The following VTI1A variants were observed in gnomAD, a reference collection of about 807,000 sequenced individuals.
The protein encoded by VTI1A is vesicle transport through interaction with t-SNAREs 1A.
VTI1A carries 22 observed loss-of-function variants against 34.9 expected under a neutral mutation model. The observed-to-expected ratio is 0.63, with a 90% CI of 0.45 to 0.90. The LOEUF is 0.90. Among genes scored for constraint, VTI1A ranks in the 40% least tolerant of loss-of-function variants. The probability of loss-of-function intolerance (pLI) is 0.00; values close to 1 mark genes in which losing one functional copy is unlikely to be tolerated. For synonymous variants in VTI1A, 87 were observed against 97.3 expected (o/e 0.89, Z 0.62); for missense variants, 268 against 275.6 (o/e 0.97, Z 0.20).
intron 1 of VTI1A, among the ~76,000 whole-genome samples, chr10:112,454,551 A>G (rs1357747289): frequency 1.3e-5 from 2 of 152,156 alleles, no homozygotes; most frequent in African/African-American, 4.8e-5. Flanking sequence ...ACAGTGAGCT[A>G]TGATCATGCC....
intron 7 of VTI1A, among the ~76,000 whole-genome samples, chr10:112,689,050 G>A (rs1258286918): frequency 3.9e-5 from 6 of 152,110 alleles, no homozygotes; most frequent in African/African-American, 1.4e-4. Flanking sequence ...TGACAACTGG[G>A]TACTGAGAAT....
At chr10:112,724,587 C>T (rs1849937598) in intron 7 of VTI1A, among the ~76,000 whole-genome samples, 4 of 152,152 alleles carry the variant, frequency 2.6e-5, no homozygotes, top group South Asian at 4.2e-4. Context: ...TTCCCATGCA[C>T]CTAGTAACCC....
chr10:112,752,590 G>A, intron 7 of VTI1A: 1 of 985,182 alleles, frequency 1.0e-6, no homozygotes, highest in Non-Finnish European at 1.2e-6. Flanking sequence ...TTAATAAAAT[G>A]TATTTTCTTT....
intron 3 of VTI1A, among the ~76,000 whole-genome samples, chr10:112,501,211 G>A (rs1298961350): frequency 1.3e-5 from 2 of 152,124 alleles, no homozygotes; most frequent in Non-Finnish European, 2.9e-5. Context: ...CCCTATATCT[G>A]TAGTCTTATT....
intron 7 of VTI1A, among the ~76,000 whole-genome samples, chr10:112,756,872 C>A (rs1009345738): frequency 6.6e-6 from 1 of 151,900 alleles, no homozygotes; most frequent in Admixed American, 6.6e-5. Flanking sequence ...CATGGCAAAA[C>A]CCTGTCTCTA....
At chr10:112,783,399 G>A (rs900823833) in intron 7 of VTI1A, among the ~76,000 whole-genome samples, 4 of 63,424 alleles carry the variant, frequency 6.3e-5, no homozygotes, top group Non-Finnish European at 5.5e-5. Context: ...CCGCGTGCAC[G>A]TGCACACACA....
chr10:112,712,164 T>C (rs1849440313), intron 7 of VTI1A, among the ~76,000 whole-genome samples: 1 of 152,182 alleles, frequency 6.6e-6, no homozygotes, highest in African/African-American at 2.4e-5. Context: ...ATATCCTGCC[T>C]GGATATCTTC....
In VTI1A at chr10:112,676,266, C is replaced by T. The variant is rs185530686; in HGVS notation, c.560+7268C>T. Among the ~76,000 whole-genome samples the T allele has an allele frequency of 3.8e-3, 576 of 152,164 alleles. 7 individuals carry two copies. Among genetic ancestry groups the T allele is most frequent in the African/African-American group, 0.012 (481 of 41,516 alleles). ...TTCCTGTCATGGCGCCACCATTCCC[C>T]CTTCCTTCTGGGACCCTCACTCAGC... On this transcript the variant is annotated intron_variant, in intron 7 of 7. Coordinates refer to ENST00000393077, the MANE Select transcript of VTI1A (RefSeq NM_145206.4).
At chr10:112,850,610 C>T in the VTI1A span, among the ~76,000 whole-genome samples, 4 of 152,152 alleles carry the variant, frequency 2.6e-5, no homozygotes, top group African/African-American at 9.7e-5. Context: ...CCTTCTGTTC[C>T]TAGGTACCTC....
intron 7 of VTI1A, among the ~76,000 whole-genome samples, chr10:112,800,424 T>A (rs1359463632): frequency 6.6e-6 from 1 of 152,236 alleles, no homozygotes; most frequent in Non-Finnish European, 1.5e-5. Flanking sequence ...GCTGCCTGCA[T>A]GTGGGGGTAC....
the VTI1A span, among the ~76,000 whole-genome samples, chr10:112,842,050 C>CTTTTTTT: frequency 2.5e-4 from 23 of 93,132 alleles, 1 homozygote; most frequent in African/African-American, 4.3e-4. Context: ...TTTTTTTTTT[C>CTTTTTTT]CTTTTTTTTT....
In VTI1A at chr10:112,648,542, AT is replaced by A. The variant is rs201051579; in HGVS notation, c.428-19674del. On this transcript the variant is annotated intron_variant, in intron 5 of 7. Transcript: ENST00000393077. ...AACCAACAATGAAGTTCATGAGAAT[AT>A]TATACATAGTTCAAAAAGAGGTTCA... Among the ~76,000 whole-genome samples the A allele has an allele frequency of 5.6e-3, 846 of 152,330 alleles. 6 individuals carry two copies. The highest frequency in any genetic ancestry group is 0.019 in the African/African-American group (797 of 41,572).
chr10:112,581,645 A>G (rs759282074), intron 5 of VTI1A, among the ~76,000 whole-genome samples: 1 of 152,218 alleles, frequency 6.6e-6, no homozygotes, highest in African/African-American at 2.4e-5. Context: ...TGATGCAGAT[A>G]TAGACACTGG....
intron 1 of VTI1A, among the ~76,000 whole-genome samples, chr10:112,458,062 A>G (rs1444250140): frequency 6.6e-6 from 1 of 152,172 alleles, no homozygotes; most frequent in Non-Finnish European, 1.5e-5. Flanking sequence ...CAGAGTCTGT[A>G]CCCTTGCTTT....
intron 5 of VTI1A, among the ~76,000 whole-genome samples, chr10:112,624,636 A>G (rs1025031102): frequency 6.6e-6 from 1 of 152,316 alleles, no homozygotes; most frequent in Admixed American, 6.5e-5. Context: ...CACGTAGGGT[A>G]CTTAAAATGG....
chr10:112,822,386 C>G (rs1025903924), downstream of VTI1A, among the ~76,000 whole-genome samples: 1 of 152,212 alleles, frequency 6.6e-6, no homozygotes, highest in Non-Finnish European at 1.5e-5. Context: ...CAGCCATGCC[C>G]TGGCTGAGAA....
rs965823084 is a variant in VTI1A at position 112,816,022 on chromosome 10, C to G, written c.*639C>G. ...ACCCAAAGATATTTTTTTTGCTGAG[C>G]CTGCCCAGTATTCACTGTTCACAAC... On this transcript the variant is annotated 3_prime_UTR_variant, in exon 8 of 8. Coordinates refer to ENST00000393077, the MANE Select transcript of VTI1A (RefSeq NM_145206.4). The G allele has an allele frequency of 1.3e-5, 3 of 222,682 alleles. No homozygotes were observed. The highest frequency in any genetic ancestry group is 2.7e-5 in the Non-Finnish European group (3 of 111,642). 13.8% of individuals were successfully genotyped at this position (222,682 alleles called of 1,614,324 possible).
chr10:112,809,181 G>A (rs1427720292), intron 7 of VTI1A, among the ~76,000 whole-genome samples: 7 of 152,174 alleles, frequency 4.6e-5, no homozygotes, highest in African/African-American at 9.7e-5. Context: ...CATGATAACC[G>A]CACAGCTCTA....
chr10:112,456,116 A>G lies in VTI1A; in HGVS notation c.95-4408A>G, dbSNP rs752312412. On this transcript the variant is annotated intron_variant, in intron 1 of 7. Transcript: ENST00000393077. Reference sequence around the variant, plus strand: ...AGTCTCTGCCTTCAAGGAGCCGGCAATGAGCCTGAAGAGGAAACTGCAGGC... The same window carrying G: ...AGTCTCTGCCTTCAAGGAGCCGGCAGTGAGCCTGAAGAGGAAACTGCAGGC... Among the ~76,000 whole-genome samples, 5 of 152,144 alleles carry G rather than the reference A, an allele frequency of 3.3e-5. No homozygotes were observed. In the South Asian group the frequency reaches 6.2e-4, roughly 19 times the overall value.
Sources: allele counts gnomAD v4.1 joint callset (sites outside exome capture counted in the v4.1 genomes callset), GRCh38; gene constraint gnomAD v4.1.1; transcripts MANE v1.5; gene names NCBI Gene and HGNC (gene_info 2026-07-23, HGNC 2026-07-21).